The following KCND2 variants were observed in gnomAD, a reference collection of about 807,000 sequenced individuals.
KCND2 encodes the protein potassium voltage-gated channel subfamily D member 2.
KCND2 carries 16 observed loss-of-function variants against 54.4 expected under a neutral mutation model. The ratio of observed to expected loss-of-function variants is 0.29; its 90% CI spans 0.20 to 0.45. The LOEUF (loss-of-function observed/expected upper bound fraction) is 0.45. Ranked by LOEUF, KCND2 falls within the 20% of genes least tolerant of loss-of-function variation. KCND2 has a pLI of 1.00. For synonymous variants in KCND2, 317 were observed against 310.7 expected (o/e 1.02, Z -0.21); for missense variants, 486 against 824.2 (o/e 0.59, Z 5.02).
At chr7:120,654,546 T>C (rs1350245566) in intron 1 of KCND2, among the ~76,000 whole-genome samples, 2 of 152,302 alleles carry the variant, frequency 1.3e-5, no homozygotes, top group East Asian at 1.9e-4. Context: ...GTGATTATAA[T>C]AGTAAAAGGT....
chr7:120,507,168 A>G (rs1382658982), intron 1 of KCND2, among the ~76,000 whole-genome samples: 1 of 151,932 alleles, frequency 6.6e-6, no homozygotes, highest in African/African-American at 2.4e-5. Context: ...CATTTTAAGG[A>G]AAGAGAGTTT....
At chr7:120,559,141 A>G (rs1792201433) in intron 1 of KCND2, among the ~76,000 whole-genome samples, 1 of 152,172 alleles carries the variant, frequency 6.6e-6, no homozygotes, top group Non-Finnish European at 1.5e-5. Context: ...AGCACCTTTT[A>G]TGAGAATATG....
intron 1 of KCND2, among the ~76,000 whole-genome samples, chr7:120,510,441 A>T (rs904706899): frequency 6.6e-6 from 1 of 152,104 alleles, no homozygotes; most frequent in South Asian, 2.1e-4. Context: ...TGTCAATCCA[A>T]TGAAGATGTG....
intron 1 of KCND2, among the ~76,000 whole-genome samples, chr7:120,585,498 A>G (rs1186710681): frequency 1.3e-5 from 2 of 152,222 alleles, no homozygotes; most frequent in East Asian, 1.9e-4. Context: ...GCAGAGAAAC[A>G]TATGGTGCTT....
chr7:120,496,588 C>T (rs113714501), intron 1 of KCND2, among the ~76,000 whole-genome samples: 6 of 129,244 alleles, frequency 4.6e-5, no homozygotes, highest in African/African-American at 1.2e-4. Context: ...CCACGCCTGG[C>T]TGCTTTTTCG....
intron 1 of KCND2, among the ~76,000 whole-genome samples, chr7:120,553,699 G>T (rs531342809): frequency 6.6e-6 from 1 of 152,204 alleles, no homozygotes. Flanking sequence ...AGGTCATCCT[G>T]TGAGTACAGA....
chr7:120,654,230 A>G (rs371587988), intron 1 of KCND2, among the ~76,000 whole-genome samples: 1 of 152,200 alleles, frequency 6.6e-6, no homozygotes, highest in Non-Finnish European at 1.5e-5. Flanking sequence ...TGATACTGTC[A>G]ATGAGAAAAT....
chr7:120,633,440 G>A (rs1793263571), intron 1 of KCND2, among the ~76,000 whole-genome samples: 1 of 152,150 alleles, frequency 6.6e-6, no homozygotes, highest in African/African-American at 2.4e-5. Flanking sequence ...AGCATTTAGT[G>A]GATGGCCAAG....
rs187298744 is a variant in KCND2, at chr7:120,639,407, C to G, written c.1116-93496C>G. On this transcript the variant is annotated intron_variant, in intron 1 of 5. Transcript: ENST00000331113. ...TTATAGTGAATAAAATGGTTTCCTC[C>G]AAAAGACATGAGGTTCACAACCATG... Among the ~76,000 whole-genome samples the G allele has an allele frequency of 3.3e-3, 502 of 152,082 alleles. 2 individuals carry two copies. The highest frequency in any genetic ancestry group is 0.011 in the African/African-American group (468 of 41,506).
intron 1 of KCND2, among the ~76,000 whole-genome samples, chr7:120,522,230 G>A (rs1307279575): frequency 6.6e-6 from 1 of 152,152 alleles, no homozygotes; most frequent in Non-Finnish European, 1.5e-5. Flanking sequence ...AGTCCTGTAT[G>A]TTAGCTTTCA....
chr7:120,651,866 TA>T (rs1241225945), intron 1 of KCND2, among the ~76,000 whole-genome samples: 2 of 152,158 alleles, frequency 1.3e-5, no homozygotes, highest in Non-Finnish European at 2.9e-5. Context: ...GCCTGAAAGG[TA>T]AACATCTGAT....
At chr7:120,405,596 A>G (rs1259799125) in intron 1 of KCND2, among the ~76,000 whole-genome samples, 1 of 152,164 alleles carries the variant, frequency 6.6e-6, no homozygotes, top group Non-Finnish European at 1.5e-5. Context: ...AAATGGGTAA[A>G]TAAGCACTAA....
chr7:120,423,348 A>G lies in KCND2; in HGVS notation c.1115+147601A>G, dbSNP rs183317945. 6.3e-4 allele frequency among the ~76,000 whole-genome samples: 96 copies of G among 152,300 alleles called. 1 individual carries two copies. Among genetic ancestry groups the G allele is most frequent in the Admixed American group, 6.3e-3 (96 of 15,296 alleles). On this transcript the variant is annotated intron_variant, in intron 1 of 5. Coordinates refer to ENST00000331113, the MANE Select transcript of KCND2 (RefSeq NM_012281.3). ...ACTGGGAGGGTTGAAGGTGAATACAATTTATTCATCAGTTCAAAGCTATCT... is the reference window on the plus strand; with the variant it reads ...ACTGGGAGGGTTGAAGGTGAATACAGTTTATTCATCAGTTCAAAGCTATCT...
At chr7:120,363,767 C>T (rs532173469) in intron 1 of KCND2, among the ~76,000 whole-genome samples, 1 of 152,200 alleles carries the variant, frequency 6.6e-6, no homozygotes, top group Admixed American at 6.5e-5. Flanking sequence ...TCAACATTAG[C>T]CCTCCCTGAT....
At chr7:120,382,059 A>AT (rs1303297452) in intron 1 of KCND2, among the ~76,000 whole-genome samples, 1 of 151,946 alleles carries the variant, frequency 6.6e-6, no homozygotes, top group African/African-American at 2.4e-5. Flanking sequence ...ACACATTTTT[A>AT]TTTTTTCTTG....
At chr7:120,668,397 G>A (rs1415355757) in intron 1 of KCND2, among the ~76,000 whole-genome samples, 2 of 142,140 alleles carry the variant, frequency 1.4e-5, no homozygotes, top group Non-Finnish European at 3.0e-5. Context: ...AGGAAAAAAA[G>A]AGTGAAAGGG....
intron 1 of KCND2, among the ~76,000 whole-genome samples, chr7:120,685,577 C>G (rs888624803): frequency 6.6e-6 from 1 of 152,126 alleles, no homozygotes; most frequent in African/African-American, 2.4e-5. Context: ...AGCACCTGCT[C>G]TATGAGCTAT....
intron 1 of KCND2, among the ~76,000 whole-genome samples, chr7:120,354,122 T>G (rs1402445659): frequency 1.3e-5 from 2 of 152,166 alleles, no homozygotes; most frequent in Non-Finnish European, 2.9e-5. Context: ...ACCAGCCATT[T>G]TTTTAATGCA....
At chr7:120,411,889 C>T (rs1801455695) in intron 1 of KCND2, among the ~76,000 whole-genome samples, 2 of 151,858 alleles carry the variant, frequency 1.3e-5, no homozygotes, top group South Asian at 4.1e-4. Flanking sequence ...TCTCAGTTTA[C>T]CTAGATAGGA....
Sources: gnomAD v4.1 joint callset for allele counts (sites outside exome capture counted in the v4.1 genomes callset) on GRCh38, gnomAD v4.1.1 for gene constraint, MANE v1.5 for transcripts, NCBI Gene and HGNC (gene_info 2026-07-23, HGNC 2026-07-21) for gene names.